The following MEGF9 variants were observed in gnomAD, a reference collection of about 807,000 sequenced individuals.
MEGF9 encodes multiple EGF like domains 9, also known as multiple epidermal growth factor-like domains protein 9.
MEGF9 carries 6 observed loss-of-function variants against 46.8 expected under a neutral mutation model. That is an observed-to-expected ratio of 0.13 (90% confidence interval 0.07 to 0.25). The LOEUF (loss-of-function observed/expected upper bound fraction) is 0.25. Among genes scored for constraint, MEGF9 ranks in the 10% least tolerant of loss-of-function variants. The probability of loss-of-function intolerance (pLI) is 1.00; values close to 1 mark genes in which losing one functional copy is unlikely to be tolerated. For missense variants in MEGF9, 683 were observed against 792.4 expected (o/e 0.86, Z 1.66); for synonymous variants, 302 against 330.7 (o/e 0.91, Z 0.94).
chr9:120,688,829 G>C (rs1402085620), intron 1 of MEGF9, among the ~76,000 whole-genome samples: 1 of 152,206 alleles, frequency 6.6e-6, no homozygotes, highest in Non-Finnish European at 1.5e-5. Context: ...TCAAAGCAAT[G>C]TTCTGTTGAT....
At chr9:120,702,521 G>A (rs1391165631) in intron 1 of MEGF9, among the ~76,000 whole-genome samples, 1 of 152,100 alleles carries the variant, frequency 6.6e-6, no homozygotes, top group Non-Finnish European at 1.5e-5. Flanking sequence ...CATTACTTAG[G>A]TTTAACTAAT....
intron 2 of MEGF9, among the ~76,000 whole-genome samples, chr9:120,634,469 TTTTTTG>T (rs2043565182): frequency 9.9e-6 from 1 of 101,026 alleles, no homozygotes; most frequent in African/African-American, 4.5e-5. Flanking sequence ...TTTTTTTTTT[TTTTTTG>T]AGACGGAGTC....
At chr9:120,701,425 T>C (rs754124370) in intron 1 of MEGF9, among the ~76,000 whole-genome samples, 17 of 152,220 alleles carry the variant, frequency 1.1e-4, no homozygotes, top group Admixed American at 7.2e-4. Context: ...CTACTCCTTA[T>C]CTTTTTCCCT....
At chr9:120,612,323 T>C in intron 4 of MEGF9, 73 bp downstream of exon 4, 11 of 1,434,036 alleles carry the variant, frequency 7.7e-6, no homozygotes, top group Non-Finnish European at 1.0e-5. Flanking sequence ...ACTTTATTCA[T>C]CAATGCAACT....
rs533936192 is a variant in MEGF9, at chr9:120,698,380, A to G, written c.601+15378T>C. ...ATGTCTTCTATTTAGTCCAGTTCTG[A>G]GCAGTACCATTACTGCTGTAACTGG... On this transcript the variant is annotated intron_variant, in intron 1 of 5. Coordinates refer to ENST00000373930, the MANE Select transcript of MEGF9 (RefSeq NM_001080497.3). Among the ~76,000 whole-genome samples the G allele has an allele frequency of 1.1e-4, 16 of 152,278 alleles. 1 individual carries two copies. In the South Asian group the frequency reaches 3.1e-3, roughly 30 times the overall value.
chr9:120,679,566 A>G (rs1453610183), intron 1 of MEGF9, among the ~76,000 whole-genome samples: 2 of 152,166 alleles, frequency 1.3e-5, no homozygotes, highest in African/African-American at 4.8e-5. Context: ...TGGCACATGT[A>G]TACATATGTG....
chr9:120,622,143 C>T (rs1021267967), intron 3 of MEGF9, among the ~76,000 whole-genome samples: 1 of 152,298 alleles, frequency 6.6e-6, no homozygotes, highest in Non-Finnish European at 1.5e-5. Flanking sequence ...TTTGCATAGT[C>T]GGCTAATATC....
At chr9:120,710,419 C>G in intron 1 of MEGF9, among the ~76,000 whole-genome samples, 1 of 105,614 alleles carries the variant, frequency 9.5e-6, no homozygotes, top group South Asian at 3.7e-4. Flanking sequence ...AGCGAAACTC[C>G]GTCTTAAAAA....
rs1172517987 is a variant in MEGF9, at chr9:120,604,179, T to C, written c.*1011A>G. 6.6e-6 allele frequency: 1 copy of C among 152,596 alleles called. No homozygotes were observed. The highest frequency in any genetic ancestry group is 1.5e-5 in the Non-Finnish European group (1 of 68,026). 9.5% of individuals were successfully genotyped at this position (152,596 alleles called of 1,614,324 possible). A position where few individuals can be genotyped will look rare whatever the true frequency, so the allele number is the denominator to read the frequency against. On this transcript the variant is annotated 3_prime_UTR_variant, in exon 6 of 6. Coordinates refer to ENST00000373930, the MANE Select transcript of MEGF9 (RefSeq NM_001080497.3). ...GAATCATAGTAAGTCAAAGAGCATA[T>C]AACTCTACTTTTAGACTGAGAAAGG...
At chr9:120,641,107 A>G (rs1476317157) in intron 2 of MEGF9, among the ~76,000 whole-genome samples, 1 of 152,168 alleles carries the variant, frequency 6.6e-6, no homozygotes, top group Non-Finnish European at 1.5e-5. Context: ...CCATTCTACA[A>G]TTTATGGACA....
At chr9:120,664,194 C>G (rs557728222) in intron 1 of MEGF9, among the ~76,000 whole-genome samples, 1 of 152,034 alleles carries the variant, frequency 6.6e-6, no homozygotes, top group South Asian at 2.1e-4. Context: ...CTTTTCTAGG[C>G]CTTTAATATA....
chr9:120,652,164 ACACACACACAC>A (rs2043653211), intron 2 of MEGF9, among the ~76,000 whole-genome samples: 1 of 39,800 alleles, frequency 2.5e-5, no homozygotes, highest in East Asian at 5.8e-4. Flanking sequence ...ACACACACAC[ACACACACACAC>A]ACACACAAAA....
intron 1 of MEGF9, among the ~76,000 whole-genome samples, chr9:120,709,552 C>T (rs955500443): frequency 1.3e-5 from 2 of 152,202 alleles, no homozygotes; most frequent in African/African-American, 2.4e-5. Context: ...TGATCCCTGT[C>T]CCCTAACCTG....
At chr9:120,689,829 C>A in intron 1 of MEGF9, 1 of 436,578 alleles carries the variant, frequency 2.3e-6, no homozygotes, top group Non-Finnish European at 4.8e-6. Context: ...CACCTAAAGT[C>A]ATTATGCTCT....
chr9:120,657,954 T>A (rs553424334), intron 2 of MEGF9, among the ~76,000 whole-genome samples: 2 of 152,294 alleles, frequency 1.3e-5, no homozygotes, highest in South Asian at 4.1e-4. Flanking sequence ...ATTGCTGCAT[T>A]TGAAATTATA....
chr9:120,606,170 CA>C (rs533329431), intron 5 of MEGF9, among the ~76,000 whole-genome samples: 2,392 of 65,998 alleles, frequency 0.036, 45 homozygotes, highest in East Asian at 0.23. Context: ...GACTCTGTCT[CA>C]AAAAAAAAAA....
chr9:120,712,434 CCA>C (rs1446978408), intron 1 of MEGF9, among the ~76,000 whole-genome samples: 2 of 152,146 alleles, frequency 1.3e-5, no homozygotes, highest in Admixed American at 6.5e-5. Context: ...AGAATAAACT[CCA>C]GAGTCCATAC....
intron 2 of MEGF9, among the ~76,000 whole-genome samples, chr9:120,624,862 G>A (rs966654429): frequency 1.1e-4 from 14 of 125,142 alleles, no homozygotes; most frequent in South Asian, 2.8e-4. Flanking sequence ...GACAGAGTGA[G>A]ACTCCGTCTC....
intron 1 of MEGF9, among the ~76,000 whole-genome samples, chr9:120,670,592 T>A (rs2043744718): frequency 6.6e-6 from 1 of 152,234 alleles, no homozygotes; most frequent in African/African-American, 2.4e-5. Flanking sequence ...AAGCTTCTCT[T>A]TAAGTCTTCC....
Sources: allele counts gnomAD v4.1 joint callset (sites outside exome capture counted in the v4.1 genomes callset), GRCh38; gene constraint gnomAD v4.1.1; transcripts MANE v1.5; gene names NCBI Gene and HGNC (gene_info 2026-07-23, HGNC 2026-07-21).